SH3RF1: variants seen among roughly 807,000 people sequenced by gnomAD.
SH3RF1 encodes the protein SH3 domain containing ring finger 1.
A neutral mutation model predicts 74.0 loss-of-function variants in SH3RF1; 32 were observed. The observed-to-expected ratio is 0.43, with a 90% confidence interval of 0.33 to 0.58. SH3RF1 has a LOEUF of 0.58. Ranked by LOEUF, SH3RF1 falls within the 20% of genes least tolerant of loss-of-function variation. The pLI, the probability that SH3RF1 is intolerant of heterozygous loss-of-function variation, is 0.05. For synonymous variants in SH3RF1, 396 were observed against 439.6 expected, an observed-to-expected ratio of 0.90 and a Z score of 1.24; for missense variants, 954 against 1,130.9, an observed-to-expected ratio of 0.84 and a Z score of 2.24.
chr4:169,128,922 A>G (rs1733567753), intron 6 of SH3RF1, among the ~76,000 whole-genome samples: 1 of 152,224 alleles, frequency 6.6e-6, no homozygotes, highest in African/African-American at 2.4e-5. Context: ...AAAGGAGATC[A>G]ATAATGTTCA....
chr4:169,255,622 TACACAC>T lies in SH3RF1; in HGVS notation c.393+13192_393+13197del, dbSNP rs56229906. 1.4e-3 allele frequency among the ~76,000 whole-genome samples: 177 copies of T among 124,730 alleles called. 2 individuals carry two copies. The highest frequency in any genetic ancestry group is 3.9e-3 in the African/African-American group (129 of 33,300). 81.8% of individuals were successfully genotyped at this position (124,730 alleles called of 152,430 possible). On this transcript the variant is annotated intron_variant, in intron 2 of 11. Coordinates refer to ENST00000284637, the MANE Select transcript of SH3RF1 (RefSeq NM_020870.4). ...ATACATACACACATACATACACACA[TACACAC>T]ACACACACACACACACACACACACA...
At chr4:169,124,092 T>C (rs1446200582) in intron 6 of SH3RF1, among the ~76,000 whole-genome samples, 1 of 152,022 alleles carries the variant, frequency 6.6e-6, no homozygotes, top group Non-Finnish European at 1.5e-5. Flanking sequence ...GTTTGACAGG[T>C]GAGATAATCG....
intron 2 of SH3RF1, among the ~76,000 whole-genome samples, chr4:169,240,819 G>A (rs529096305): frequency 3.3e-5 from 5 of 152,142 alleles, no homozygotes; most frequent in South Asian, 2.1e-4. Context: ...TACTTATACC[G>A]CTTGTACATA....
chr4:169,137,506 A>G (rs1733718682), intron 4 of SH3RF1, among the ~76,000 whole-genome samples: 1 of 152,198 alleles, frequency 6.6e-6, no homozygotes, highest in South Asian at 2.1e-4. Flanking sequence ...ACATAGCTCA[A>G]CCTCTCAAAA....
chr4:169,198,774 T>C (rs1341531160), intron 2 of SH3RF1, among the ~76,000 whole-genome samples: 1 of 151,890 alleles, frequency 6.6e-6, no homozygotes, highest in African/African-American at 2.4e-5. Context: ...AAAAAGAGAA[T>C]CTAACAAAGA....
At chr4:169,248,905 T>C (rs561552633) in intron 2 of SH3RF1, among the ~76,000 whole-genome samples, 2 of 152,312 alleles carry the variant, frequency 1.3e-5, no homozygotes, top group Admixed American at 6.5e-5. Context: ...GTGTTGCCAA[T>C]GTGATGGTAT....
chr4:169,253,916 C>A (rs996426976), intron 2 of SH3RF1, among the ~76,000 whole-genome samples: 1 of 152,180 alleles, frequency 6.6e-6, no homozygotes, highest in Non-Finnish European at 1.5e-5. Context: ...CTCAACTCAG[C>A]AGAACATTCT....
rs372209433 is a variant in SH3RF1 at position 169,107,090 on chromosome 4, G to C, written c.2255C>G (p.Pro752Arg). ...LEVELGSAEL[P>R]LQGAVGPELP... ...TTCGGGCCCCACCGCTCCCTGGAGA[G>C]GAAGCTCTGCACTGCCCAGCTCCAC... The change falls in exon 11 of 12, where the codon CCT (proline) becomes CGT (arginine). Residue 752 changes from proline (P) to arginine (R), a missense_variant. Around this residue, in one of 3 missense-constraint regions of SH3RF1, gnomAD observed 854 missense variants for 962.5 expected, o/e 0.89. Coordinates refer to ENST00000284637, the MANE Select transcript of SH3RF1 (RefSeq NM_020870.4). The C allele has an allele frequency of 1.2e-6, 2 of 1,614,022 alleles. No individual in the cohort carries two copies. Among genetic ancestry groups the C allele is most frequent in the Non-Finnish European group, 1.7e-6 (2 of 1,180,004 alleles).
intron 2 of SH3RF1, among the ~76,000 whole-genome samples, chr4:169,221,648 T>C (rs567210162): frequency 2.0e-5 from 3 of 152,300 alleles, no homozygotes; most frequent in Non-Finnish European, 4.4e-5. Context: ...CCTTATAACA[T>C]ACCTTGTAAT....
intron 2 of SH3RF1, among the ~76,000 whole-genome samples, chr4:169,254,594 G>A (rs535877555): frequency 1.3e-5 from 2 of 152,216 alleles, no homozygotes; most frequent in African/African-American, 4.8e-5. Flanking sequence ...GAGAGATGGG[G>A]GAAACTGAAT....
chr4:169,222,056 T>C (rs4692699), intron 2 of SH3RF1, among the ~76,000 whole-genome samples: 58,877 of 152,140 alleles, frequency 0.39, 13,347 homozygotes, highest in East Asian at 0.71. Context: ...GTAATAATAA[T>C]ATACATTCAA....
chr4:169,105,580 C>A (rs1439893275), intron 11 of SH3RF1, among the ~76,000 whole-genome samples: 1 of 152,172 alleles, frequency 6.6e-6, no homozygotes, highest in African/African-American at 2.4e-5. Context: ...TTAGCCATAC[C>A]CTTCTGGCTC....
chr4:169,108,127 T>C (rs1733178595), intron 10 of SH3RF1, among the ~76,000 whole-genome samples: 1 of 152,216 alleles, frequency 6.6e-6, no homozygotes, highest in African/African-American at 2.4e-5. Context: ...TGACCAAGCT[T>C]AACATGATCC....
At chr4:169,259,887 A>G (rs1161705363) in intron 2 of SH3RF1, among the ~76,000 whole-genome samples, 2 of 152,230 alleles carry the variant, frequency 1.3e-5, no homozygotes, top group Admixed American at 6.5e-5. Context: ...TTGCTACAGT[A>G]TTGTGGATCC....
intron 6 of SH3RF1, among the ~76,000 whole-genome samples, chr4:169,128,475 C>T (rs1194389189): frequency 3.3e-5 from 5 of 152,210 alleles, no homozygotes; most frequent in Non-Finnish European, 4.4e-5. Flanking sequence ...CTAGCTACAA[C>T]ATTATTAGCT....
intron 2 of SH3RF1, among the ~76,000 whole-genome samples, chr4:169,216,996 C>CAA (rs560262654): frequency 1.2e-5 from 1 of 82,632 alleles, no homozygotes; most frequent in Non-Finnish European, 2.5e-5. Context: ...ACAAAAATTA[C>CAA]AAAAAAAAAA....
chr4:169,257,705 T>C (rs1344985713), intron 2 of SH3RF1, among the ~76,000 whole-genome samples: 1 of 152,204 alleles, frequency 6.6e-6, no homozygotes, highest in Non-Finnish European at 1.5e-5. Context: ...CAATCTCTAA[T>C]TGTTGGAATT....
intron 2 of SH3RF1, among the ~76,000 whole-genome samples, chr4:169,242,737 G>A (rs1403074816): frequency 8.5e-5 from 13 of 152,260 alleles, no homozygotes; most frequent in South Asian, 4.2e-4. Context: ...TTATAAAAGC[G>A]CGTTTGGCCC....
intron 4 of SH3RF1, among the ~76,000 whole-genome samples, chr4:169,136,881 A>G (rs995255036): frequency 6.6e-6 from 1 of 152,226 alleles, no homozygotes; most frequent in Non-Finnish European, 1.5e-5. Context: ...TTTCTTAAGA[A>G]TTTCCATAAT....
Sources: allele counts gnomAD v4.1 joint callset (sites outside exome capture counted in the v4.1 genomes callset), GRCh38; gene constraint gnomAD v4.1.1; regional missense constraint gnomAD v4.1.1; transcripts MANE v1.5; gene names NCBI Gene and HGNC (gene_info 2026-07-23, HGNC 2026-07-21).